The following ST3GAL4 variants were observed in gnomAD, a reference collection of about 807,000 sequenced individuals.
The protein encoded by ST3GAL4 is CMP-N-acetylneuraminate-beta-galactosamide-alpha-2,3-sialyltransferase 4.
ST3GAL4 carries 24 observed loss-of-function variants against 42.6 expected under a neutral mutation model. That is an observed-to-expected ratio of 0.56 (90% CI 0.41 to 0.79). The LOEUF is 0.79. ST3GAL4 is among the 30% of genes least tolerant of loss of function. The probability of loss-of-function intolerance (pLI) is 0.00; values close to 1 mark genes in which losing one functional copy is unlikely to be tolerated. For synonymous variants in ST3GAL4, 135 were observed against 163.2 expected (o/e 0.83, Z 1.32); for missense variants, 311 against 430.8 (o/e 0.72, Z 2.46).
chr11:126,364,149 C>T (rs1377284360), intron 1 of ST3GAL4, among the ~76,000 whole-genome samples: 1 of 152,226 alleles, frequency 6.6e-6, no homozygotes, highest in Admixed American at 6.5e-5. Context: ...GGAACAGCTG[C>T]GCTGGCCCAT....
chr11:126,390,088 C>A (rs947007449), intron 1 of ST3GAL4, among the ~76,000 whole-genome samples: 1 of 95,674 alleles, frequency 1.0e-5, no homozygotes, highest in Non-Finnish European at 2.0e-5. Flanking sequence ...GAGGCTGAGG[C>A]AGGAGAATAG....
intron 1 of ST3GAL4, among the ~76,000 whole-genome samples, chr11:126,399,758 C>T (rs1273862030): frequency 6.6e-6 from 1 of 152,172 alleles, no homozygotes. Flanking sequence ...TTAAGTTCTG[C>T]CTGCTATACA....
rs775814353 is a variant in ST3GAL4, at chr11:126,413,493, C to T, written c.772-12C>T. ...GGGCTCCCACTAACACCCTCCTGCC[C>T]CTGTTCCTCAGAAGCCCACCACGGG... is the stretch of plus-strand genomic sequence containing the variant. On this transcript the variant is annotated splice_polypyrimidine_tract_variant and intron_variant, in intron 9 of 10. Transcript: ENST00000444328. The T allele has an allele frequency of 1.2e-6, 2 of 1,613,638 alleles. No individual in the cohort carries two copies. Among genetic ancestry groups the T allele is most frequent in the South Asian group, 2.2e-5 (2 of 91,050 alleles).
intron 1 of ST3GAL4, among the ~76,000 whole-genome samples, chr11:126,380,779 G>A (rs550709825): frequency 1.3e-5 from 2 of 152,300 alleles, no homozygotes; most frequent in East Asian, 3.9e-4. Flanking sequence ...CCAAAGAAGA[G>A]CTGCCGCATG....
Position 126,378,665 on chromosome 11 carries a change from C to A in ST3GAL4, c.-61+22823C>A, listed in dbSNP as rs1031392651. On this transcript the variant is annotated intron_variant, in intron 1 of 10. Transcript: ENST00000444328. The surrounding 1 kb of genome is among the most constrained non-coding windows in gnomAD (Gnocchi z 5.3). ...CTCGTGATCCACCCTCCTCGGCCCCCCAAAGGGATGACTGGTTTTCTTTCC... is the reference window on the plus strand; with the variant it reads ...CTCGTGATCCACCCTCCTCGGCCCCACAAAGGGATGACTGGTTTTCTTTCC... 6.6e-6 allele frequency among the ~76,000 whole-genome samples: 1 copy of A among 152,210 alleles called. No homozygotes were observed. Among genetic ancestry groups the A allele is most frequent in the South Asian group, 2.1e-4 (1 of 4,828 alleles).
Position 126,397,481 on chromosome 11 carries a change from G to A in ST3GAL4, c.-60-8615G>A, listed in dbSNP as rs992667600. 1.3e-5 allele frequency among the ~76,000 whole-genome samples: 2 copies of A among 152,088 alleles called. No individual in the cohort carries two copies. The highest frequency in any genetic ancestry group is 2.4e-5 in the African/African-American group (1 of 41,378). On this transcript the variant is annotated intron_variant, in intron 1 of 10. Transcript: ENST00000444328. This position sits in a 1 kb window ranked among gnomAD's most constrained non-coding sequence, Gnocchi z 5.0. ...GTGCTGAAATTAAGGTATAAACAAC[G>A]TCTCATGGGAACCAAAACATCAGTC...
Position 126,366,727 on chromosome 11 carries a change from G to A in ST3GAL4, c.-61+10885G>A, listed in dbSNP as rs1952442311. 6.6e-6 allele frequency among the ~76,000 whole-genome samples: 1 copy of A among 152,178 alleles called. No individual in the cohort carries two copies. Among genetic ancestry groups the A allele is most frequent in the Admixed American group, 6.5e-5 (1 of 15,286 alleles). ...ATCCTTGTTCATCAAGCACCAGGCT[G>A]ACCATGGTGTCCGTCTCAGTGCCCA... On this transcript the variant is annotated intron_variant, in intron 1 of 10. Coordinates refer to ENST00000444328, the MANE Select transcript of ST3GAL4 (RefSeq NM_001254757.2). This position sits in a 1 kb window ranked among gnomAD's most constrained non-coding sequence, Gnocchi z 4.2.
chr11:126,363,274 T>TCTCACCATCTTCAGTGATCC lies in ST3GAL4; in HGVS notation c.-61+7436_-61+7455dup, dbSNP rs1341299427. ...TGCCTTCTCTTTCCACCCCTAGATT[T>TCTCACCATCTTCAGTGATCC]CTCACCATCTTCAGTGATCCCTCCT... is the stretch of plus-strand genomic sequence containing the variant. On this transcript the variant is annotated intron_variant, in intron 1 of 10. Coordinates refer to ENST00000444328, the MANE Select transcript of ST3GAL4 (RefSeq NM_001254757.2). This position sits in a 1 kb window ranked among gnomAD's most constrained non-coding sequence, Gnocchi z 4.6. 6.6e-6 allele frequency among the ~76,000 whole-genome samples: 1 copy of TCTCACCATCTTCAGTGATCC among 152,198 alleles called. No homozygotes were observed. The highest frequency in any genetic ancestry group is 1.5e-5 in the Non-Finnish European group (1 of 68,024).
At chr11:126,375,386 C>T (rs1822872083) in intron 1 of ST3GAL4, among the ~76,000 whole-genome samples, 1 of 152,126 alleles carries the variant, frequency 6.6e-6, no homozygotes, top group African/African-American at 2.4e-5. Context: ...GACCCCTTCC[C>T]CTAATTGCTG....
chr11:126,367,410 G>C (rs766812142), intron 1 of ST3GAL4, among the ~76,000 whole-genome samples: 3 of 152,156 alleles, frequency 2.0e-5, no homozygotes, highest in Non-Finnish European at 4.4e-5. Flanking sequence ...AGGTGAGTAT[G>C]ATTGTGGTAG....
chr11:126,364,104 C>T (rs1392614036), intron 1 of ST3GAL4, among the ~76,000 whole-genome samples: 1 of 152,210 alleles, frequency 6.6e-6, no homozygotes, highest in African/African-American at 2.4e-5. Flanking sequence ...GGCTCCCTGC[C>T]CGGAGTCCCA....
At position 126,386,812 on chromosome 11, in the gene ST3GAL4, G is replaced by A. The variant is rs1334166191; in HGVS notation, c.-60-19284G>A. ...TTGCACTGCGCTGTTTTGACTTGGAGAGGAGAGGAGGAAGTTAGCTGCTCT... is the reference window on the plus strand; with the variant it reads ...TTGCACTGCGCTGTTTTGACTTGGAAAGGAGAGGAGGAAGTTAGCTGCTCT... On this transcript the variant is annotated intron_variant, in intron 1 of 10. Transcript: ENST00000444328. This position sits in a 1 kb window ranked among gnomAD's most constrained non-coding sequence, Gnocchi z 4.7. 6.6e-6 allele frequency among the ~76,000 whole-genome samples: 1 copy of A among 152,224 alleles called. No homozygotes were observed. The highest frequency in any genetic ancestry group is 1.5e-5 in the Non-Finnish European group (1 of 68,038).
chr11:126,375,605 C>T lies in ST3GAL4; in HGVS notation c.-61+19763C>T, dbSNP rs548276038. 4.6e-5 allele frequency among the ~76,000 whole-genome samples: 7 copies of T among 152,228 alleles called. No homozygotes were observed. The South Asian group carries it at 8.3e-4, about 18-fold the overall frequency. ...CTGGCTCTACAATGGAGGTAATTAT[C>T]GTGTTGAACTCACAGGGTCGAGATC... On this transcript the variant is annotated intron_variant, in intron 1 of 10. Coordinates refer to ENST00000444328, the MANE Select transcript of ST3GAL4 (RefSeq NM_001254757.2).
chr11:126,369,118 G>C (rs928758654), intron 1 of ST3GAL4, among the ~76,000 whole-genome samples: 13 of 152,224 alleles, frequency 8.5e-5, no homozygotes, highest in African/African-American at 3.1e-4. Flanking sequence ...GCTAGTCAGT[G>C]AGAGGCACAG....
chr11:126,372,530 C>T (rs368745337), intron 1 of ST3GAL4, among the ~76,000 whole-genome samples: 1 of 151,908 alleles, frequency 6.6e-6, no homozygotes, highest in African/African-American at 2.4e-5. Context: ...GATTCTCCTG[C>T]CTCAGCTTCC....
chr11:126,389,479 A>C (rs1454669982), intron 1 of ST3GAL4, among the ~76,000 whole-genome samples: 5 of 152,202 alleles, frequency 3.3e-5, no homozygotes, highest in Non-Finnish European at 5.9e-5. Context: ...CATCATACAC[A>C]CAAGCACACA....
At chr11:126,382,916 G>A (rs1953063966) in intron 1 of ST3GAL4, among the ~76,000 whole-genome samples, 1 of 152,320 alleles carries the variant, frequency 6.6e-6, no homozygotes, top group African/African-American at 2.4e-5. Flanking sequence ...AGGCTGGCGG[G>A]GCAGCTGGAG....
rs144826882 is a variant in ST3GAL4 at position 126,366,579 on chromosome 11, G to A, written c.-61+10737G>A. Among the ~76,000 whole-genome samples the A allele has an allele frequency of 2.4e-4, 36 of 152,230 alleles. No homozygotes were observed. In the East Asian group the frequency reaches 4.1e-3, roughly 17 times the overall value. On this transcript the variant is annotated intron_variant, in intron 1 of 10. Transcript: ENST00000444328. The surrounding 1 kb of genome is among the most constrained non-coding windows in gnomAD (Gnocchi z 4.2). ...GGGGCCCTGTTCCACTCTCCTTCCC[G>A]TGTGCAGGGCCCTCCCCTCTGGCGA...
At chr11:126,403,002 G>A (rs1954074377) in intron 1 of ST3GAL4, among the ~76,000 whole-genome samples, 1 of 152,236 alleles carries the variant, frequency 6.6e-6, no homozygotes, top group East Asian at 1.9e-4. Context: ...GTACTCTACT[G>A]TGGCTTTGCT....
Sources: allele counts gnomAD v4.1 joint callset (sites outside exome capture counted in the v4.1 genomes callset), GRCh38; gene constraint gnomAD v4.1.1; non-coding constraint Gnocchi (gnomAD v3.1); transcripts MANE v1.5; gene names NCBI Gene and HGNC (gene_info 2026-07-23, HGNC 2026-07-21).